MAF: variants seen among roughly 807,000 people sequenced by gnomAD.
MAF encodes transcription factor Maf.
Under a neutral mutation model 22.0 loss-of-function variants are expected in MAF, and 10 were observed. That is an observed-to-expected ratio of 0.45 (90% CI 0.28 to 0.77). MAF has a LOEUF of 0.77. MAF is among the 30% of genes least tolerant of loss of function. MAF has a pLI of 0.12. For synonymous variants in MAF, 337 were observed against 255.8 expected, an observed-to-expected ratio of 1.32 and a Z score of -3.03; for missense variants, 544 against 548.4, an observed-to-expected ratio of 0.99 and a Z score of 0.08.
the MAF span, among the ~76,000 whole-genome samples, chr16:79,367,503 C>G: frequency 1.3e-5 from 2 of 152,160 alleles, no homozygotes; most frequent in African/African-American, 4.8e-5. Flanking sequence ...TAGCTTAGTC[C>G]TCTGATGCTT....
chr16:79,533,996 C>T, the MAF span, among the ~76,000 whole-genome samples: 1 of 152,208 alleles, frequency 6.6e-6, no homozygotes, highest in Non-Finnish European at 1.5e-5. Flanking sequence ...CTCAGCTCAC[C>T]TGAAGGCCTC....
chr16:79,515,840 C>T, the MAF span: 1 of 152,066 alleles, frequency 6.6e-6, no homozygotes, highest in African/African-American at 2.4e-5. Context: ...TCACTGATCA[C>T]AGAAACATAG....
At chr16:79,577,077 C>A in the MAF span, among the ~76,000 whole-genome samples, 9 of 152,088 alleles carry the variant, frequency 5.9e-5, no homozygotes, top group Admixed American at 2.6e-4. Context: ...CATAAAAGGA[C>A]ACTCTCTTTT....
chr16:79,357,844 T>A, the MAF span, among the ~76,000 whole-genome samples: 1 of 152,330 alleles, frequency 6.6e-6, no homozygotes, highest in African/African-American at 2.4e-5. Context: ...ATGTTTCATG[T>A]ACAGAAGCAT....
the MAF span, among the ~76,000 whole-genome samples, chr16:79,490,798 A>G: frequency 6.6e-6 from 1 of 152,202 alleles, no homozygotes; most frequent in African/African-American, 2.4e-5. Flanking sequence ...AGTGAAGGTA[A>G]CACAATTCTG....
rs2143755743 is a variant in MAF at position 79,594,202 on chromosome 16, T to A, written c.*258A>T. On this transcript the variant is annotated 3_prime_UTR_variant, in exon 2 of 2. Transcript: ENST00000326043. Reference sequence around the variant, plus strand: ...TTTCAGTGAATTTTTAAAACTAGTATGGCAGGTTGAAAGCAATGCACCTGT... The same window carrying A: ...TTTCAGTGAATTTTTAAAACTAGTAAGGCAGGTTGAAAGCAATGCACCTGT... The A allele has an allele frequency of 4.3e-6, 2 of 465,468 alleles. No homozygotes were observed. Among genetic ancestry groups the A allele is most frequent in the East Asian group, 3.5e-5 (1 of 28,344 alleles). The allele number at this position is 465,468 out of a possible 1,614,324, so 28.8% of individuals were successfully genotyped here.
chr16:79,362,416 G>A, the MAF span, among the ~76,000 whole-genome samples: 1 of 151,858 alleles, frequency 6.6e-6, no homozygotes, highest in Non-Finnish European at 1.5e-5. Context: ...TTGCCTCAAT[G>A]AATTTTGTTG....
the MAF span, among the ~76,000 whole-genome samples, chr16:79,527,765 A>T: frequency 6.6e-6 from 1 of 152,208 alleles, no homozygotes; most frequent in African/African-American, 2.4e-5. Flanking sequence ...GAAATCTGGA[A>T]GAGCTACTGA....
chr16:79,492,954 G>A, the MAF span, among the ~76,000 whole-genome samples: 1 of 138,590 alleles, frequency 7.2e-6, no homozygotes, highest in South Asian at 2.4e-4. Context: ...TTACATGGAT[G>A]TTTTCTTTTT....
chr16:79,450,720 G>C, the MAF span, among the ~76,000 whole-genome samples: 478 of 152,122 alleles, frequency 3.1e-3, 8 homozygotes, highest in South Asian at 0.044. Flanking sequence ...AACTCGGATG[G>C]AGATGGAGAT....
chr16:79,371,618 G>A, the MAF span, among the ~76,000 whole-genome samples: 1 of 152,036 alleles, frequency 6.6e-6, no homozygotes, highest in African/African-American at 2.4e-5. Context: ...CTTCACATAT[G>A]CTGTTCCCTT....
the MAF span, among the ~76,000 whole-genome samples, chr16:79,241,058 G>T: frequency 2.0e-5 from 3 of 152,032 alleles, no homozygotes; most frequent in African/African-American, 7.2e-5. Flanking sequence ...AAAGACCAAA[G>T]GTAGGTAAAT....
the MAF span, among the ~76,000 whole-genome samples, chr16:79,501,760 C>T: frequency 6.6e-6 from 1 of 152,170 alleles, no homozygotes; most frequent in African/African-American, 2.4e-5. Context: ...ACTTTGAAAT[C>T]CCCTTCGGCA....
chr16:79,447,757 A>C, the MAF span, among the ~76,000 whole-genome samples: 1 of 152,016 alleles, frequency 6.6e-6, no homozygotes, highest in South Asian at 2.1e-4. Context: ...TGGAATTAGC[A>C]AGAGAACTTG....
chr16:79,568,211 G>T, the MAF span, among the ~76,000 whole-genome samples: 1 of 152,214 alleles, frequency 6.6e-6, no homozygotes, highest in Admixed American at 6.5e-5. Flanking sequence ...CTGTAGTTCA[G>T]ATAGGAGCTG....
At chr16:79,326,897 T>A in the MAF span, among the ~76,000 whole-genome samples, 1 of 152,186 alleles carries the variant, frequency 6.6e-6, no homozygotes, top group Non-Finnish European at 1.5e-5. Flanking sequence ...AATGAATAGA[T>A]TTTCAGAAAA....
the MAF span, among the ~76,000 whole-genome samples, chr16:79,269,490 C>T: frequency 2.0e-5 from 3 of 152,018 alleles, no homozygotes; most frequent in African/African-American, 7.2e-5. Context: ...CCACAGCTCC[C>T]ATCCCAAATG....
At chr16:79,388,426 T>C in the MAF span, among the ~76,000 whole-genome samples, 1 of 152,238 alleles carries the variant, frequency 6.6e-6, no homozygotes, top group Non-Finnish European at 1.5e-5. Context: ...TTAGAGCAAA[T>C]GTCCCTGCCA....
chr16:79,248,237 G>A, the MAF span, among the ~76,000 whole-genome samples: 4 of 151,582 alleles, frequency 2.6e-5, no homozygotes, highest in Admixed American at 2.6e-4. Context: ...AGTTAAGAGA[G>A]CCACTTAGAA....
Sources: gnomAD v4.1 joint callset for allele counts (sites outside exome capture counted in the v4.1 genomes callset) on GRCh38, gnomAD v4.1.1 for gene constraint, MANE v1.5 for transcripts, NCBI Gene and HGNC (gene_info 2026-07-23, HGNC 2026-07-21) for gene names.